GLRX3: variants seen among roughly 807,000 people sequenced by gnomAD.
GLRX3 encodes glutaredoxin-3.
A neutral mutation model predicts 49.5 loss-of-function variants in GLRX3; 22 were observed. That is an observed-to-expected ratio of 0.44 (90% CI 0.32 to 0.63). The LOEUF is 0.63. Among genes scored for constraint, GLRX3 ranks in the 30% least tolerant of loss-of-function variants. The probability of loss-of-function intolerance (pLI) is 0.05; values close to 1 mark genes in which losing one functional copy is unlikely to be tolerated. For missense variants in GLRX3, 385 were observed against 396.3 expected (o/e 0.97, Z 0.24); for synonymous variants, 133 against 140.0 (o/e 0.95, Z 0.35).
At chr10:130,162,997 T>G (rs974941992) in intron 4 of GLRX3, among the ~76,000 whole-genome samples, 2 of 152,222 alleles carry the variant, frequency 1.3e-5, no homozygotes, top group Non-Finnish European at 2.9e-5. Flanking sequence ...CTGCTTACCT[T>G]TTACTTTATT....
chr10:130,177,198 G>A (rs973872531), intron 10 of GLRX3, among the ~76,000 whole-genome samples: 15 of 152,174 alleles, frequency 9.9e-5, no homozygotes, highest in African/African-American at 2.2e-4. Context: ...GGAGCAATGA[G>A]CGTTTGTTTT....
chr10:130,159,957 C>A, intron 2 of GLRX3, 38 bp from the exon 3 acceptor site: 1 of 1,377,686 alleles, frequency 7.3e-7, no homozygotes, highest in Non-Finnish European at 1.0e-6. Context: ...TGAAAAAGGA[C>A]CTTGTAATAA....
intron 2 of GLRX3, among the ~76,000 whole-genome samples, chr10:130,149,115 G>A (rs1340666388): frequency 6.6e-6 from 1 of 152,070 alleles, no homozygotes; most frequent in Non-Finnish European, 1.5e-5. Context: ...TTTATAATGG[G>A]TGGTGTTCCA....
At chr10:130,139,649 A>AAC (rs1277362518) in intron 1 of GLRX3, among the ~76,000 whole-genome samples, 2 of 138,958 alleles carry the variant, frequency 1.4e-5, no homozygotes, top group South Asian at 2.4e-4. Context: ...CTCAAAAAAA[A>AAC]AAAAACCAAA....
intron 4 of GLRX3, among the ~76,000 whole-genome samples, chr10:130,164,602 C>A (rs1862646158): frequency 6.6e-6 from 1 of 152,038 alleles, no homozygotes; most frequent in South Asian, 2.1e-4. Flanking sequence ...CATTACTTTT[C>A]TACATTTAAA....
At position 130,136,445 on chromosome 10, in the gene GLRX3, G is replaced by C; in HGVS notation, c.25G>C (p.Ala9Pro). MAAGAAEA[A>P]VAAVEEVGSA... The stretch of plus-strand genomic sequence containing the variant: ...CATGGCGGCGGGGGCGGCTGAGGCA[G>C]CTGTAGCGGCCGTGGAGGAGGTCGG... The change falls in exon 1 of 11, where the codon GCT becomes CCT. Residue 9 changes from alanine (A) to proline (P), a missense_variant. Around this residue, in one of 2 missense-constraint regions of GLRX3, gnomAD observed 374 missense variants for 358.6 expected, o/e 1.04. Transcript: ENST00000331244. The C allele has an allele frequency of 4.0e-6, 5 of 1,261,554 alleles. No homozygotes were observed. Among genetic ancestry groups the C allele is most frequent in the Non-Finnish European group, 5.0e-6 (5 of 997,474 alleles). 78.1% of individuals were successfully genotyped at this position (1,261,554 alleles called of 1,614,324 possible). A position where few individuals can be genotyped will look rare whatever the true frequency, so the allele number is the denominator to read the frequency against.
chr10:130,174,319 CAGG>C (rs1455345854), intron 8 of GLRX3, among the ~76,000 whole-genome samples: 1 of 152,222 alleles, frequency 6.6e-6, no homozygotes, highest in South Asian at 2.1e-4. Context: ...GGGCAGCTTC[CAGG>C]AGGTTAAGAA....
intron 2 of GLRX3, among the ~76,000 whole-genome samples, chr10:130,152,632 A>C (rs1862399413): frequency 6.6e-6 from 1 of 151,856 alleles, no homozygotes; most frequent in South Asian, 2.1e-4. Flanking sequence ...ATTGGCCCCC[A>C]CTCTCTTCTG....
chr10:130,154,363 A>G (rs1862435794), intron 2 of GLRX3, among the ~76,000 whole-genome samples: 1 of 151,964 alleles, frequency 6.6e-6, no homozygotes, highest in Non-Finnish European at 1.5e-5. Flanking sequence ...CAGTCCCAAT[A>G]AGATGAACCC....
intron 6 of GLRX3, 112 bp downstream of exon 6, chr10:130,167,092 C>T: frequency 1.8e-6 from 1 of 559,060 alleles, no homozygotes; most frequent in Non-Finnish European, 3.1e-6. Flanking sequence ...ATTTGGTATG[C>T]CAGACGTCAT....
At chr10:130,158,316 G>A (rs1460175038) in intron 2 of GLRX3, among the ~76,000 whole-genome samples, 1 of 151,910 alleles carries the variant, frequency 6.6e-6, no homozygotes, top group East Asian at 1.9e-4. Context: ...GGGTTCAAGC[G>A]ATTCTCCCGC....
chr10:130,144,454 C>T (rs1862233518), intron 1 of GLRX3, among the ~76,000 whole-genome samples: 1 of 151,964 alleles, frequency 6.6e-6, no homozygotes. Flanking sequence ...GCTTTCTCTC[C>T]CCTTGCCCCC....
chr10:130,140,954 T>A (rs746058454), intron 1 of GLRX3, among the ~76,000 whole-genome samples: 8 of 152,198 alleles, frequency 5.3e-5, no homozygotes, highest in African/African-American at 9.6e-5. Flanking sequence ...GTGTAAGAAA[T>A]TTCTGAAAGG....
intron 4 of GLRX3, 99 bp downstream of exon 4, chr10:130,161,096 T>C: frequency 1.3e-6 from 1 of 755,756 alleles, no homozygotes; most frequent in Non-Finnish European, 2.3e-6. Context: ...TGCTATACCA[T>C]ACATCTTATA....
intron 4 of GLRX3, among the ~76,000 whole-genome samples, chr10:130,164,534 A>G (rs1450343455): frequency 6.6e-6 from 1 of 152,194 alleles, no homozygotes; most frequent in African/African-American, 2.4e-5. Context: ...TTAGGCACCT[A>G]TTCATGTCAT....
At chr10:130,138,194 C>T (rs1033783770) in intron 1 of GLRX3, among the ~76,000 whole-genome samples, 4 of 152,082 alleles carry the variant, frequency 2.6e-5, no homozygotes, top group Non-Finnish European at 5.9e-5. Flanking sequence ...GTATCTGGGA[C>T]TACACGTGCG....
chr10:130,165,824 C>T (rs554145955), intron 4 of GLRX3, among the ~76,000 whole-genome samples: 1 of 152,182 alleles, frequency 6.6e-6, no homozygotes, highest in Non-Finnish European at 1.5e-5. Context: ...AGAATTTTTT[C>T]ATCTGCCCAG....
At chr10:130,177,588 T>A (rs1277898645) in intron 10 of GLRX3, among the ~76,000 whole-genome samples, 1 of 152,204 alleles carries the variant, frequency 6.6e-6, no homozygotes, top group Non-Finnish European at 1.5e-5. Flanking sequence ...CACCATCCCA[T>A]AACTAGTAAG....
At chr10:130,168,265 C>T (rs989385452) in intron 6 of GLRX3, among the ~76,000 whole-genome samples, 1 of 152,138 alleles carries the variant, frequency 6.6e-6, no homozygotes, top group Non-Finnish European at 1.5e-5. Context: ...ACTTTGTGAG[C>T]TGTGGTTCCC....
Sources: allele counts gnomAD v4.1 joint callset (sites outside exome capture counted in the v4.1 genomes callset), GRCh38; gene constraint gnomAD v4.1.1; regional missense constraint gnomAD v4.1.1; transcripts MANE v1.5; gene names NCBI Gene and HGNC (gene_info 2026-07-23, HGNC 2026-07-21).